Variants in DMD observed in about 807,000 individuals in gnomAD.
DMD encodes the protein mutant dystrophin.
Under a neutral mutation model 330.1 loss-of-function variants are expected in DMD, and 63 were observed. The observed-to-expected ratio is 0.19, with a 90% CI of 0.16 to 0.24. The LOEUF (loss-of-function observed/expected upper bound fraction) is 0.24, where lower values mean the gene tolerates loss of function less well. Ranked by LOEUF, DMD falls within the 10% of genes least tolerant of loss-of-function variation. The probability of loss-of-function intolerance (pLI) is 1.00; values close to 1 mark genes in which losing one functional copy is unlikely to be tolerated. For synonymous variants in DMD, 1,223 were observed against 959.8 expected, an observed-to-expected ratio of 1.27 and a Z score of -5.07; for missense variants, 3,344 against 2,684.1, an observed-to-expected ratio of 1.25 and a Z score of -5.43.
Position 31,496,862 on chromosome X carries a change from C to T in DMD, c.8473G>A (p.Asp2825Asn), listed in dbSNP as rs893710763. The change falls in exon 57 of 79, where the codon GAT (aspartate) becomes AAT (asparagine). Residue 2825 changes from aspartate to asparagine, a missense_variant. Coordinates refer to ENST00000357033, the MANE Select transcript of DMD (RefSeq NM_004006.3). ...GGTGCCTGCCGGCTTAATTCATCAT[C>T]TTTCAGCTGTAGCCACACCAGAAGT... ...QELLVWLQLKDDELSRQAPIG... is the reference protein window; with the variant it reads ...QELLVWLQLKNDELSRQAPIG... The T allele has an allele frequency of 5.0e-6, 6 of 1,211,881 alleles. No individual in the cohort carries two copies. Among genetic ancestry groups the T allele is most frequent in the Non-Finnish European group, 6.7e-6 (6 of 895,481 alleles).
intron 13 of DMD, among the ~76,000 whole-genome samples, chrX:32,585,307 C>A (rs1405313457): frequency 5.4e-5 from 6 of 112,007 alleles, no homozygotes; most frequent in African/African-American, 1.9e-4. Context: ...AACAGTGTAA[C>A]AAAATATCAC....
intron 44 of DMD, among the ~76,000 whole-genome samples, chrX:32,013,273 G>A (rs2095730402): frequency 9.2e-6 from 1 of 108,742 alleles, no homozygotes; most frequent in Admixed American, 9.9e-5. Context: ...ATTTAGTAGA[G>A]ATAGAGTTTC....
At chrX:32,854,399 C>A (rs1413005446) in intron 2 of DMD, among the ~76,000 whole-genome samples, 1 of 110,763 alleles carries the variant, frequency 9.0e-6, no homozygotes, top group Non-Finnish European at 1.9e-5. Flanking sequence ...GAAAATTATA[C>A]AAAACACAAG....
intron 62 of DMD, among the ~76,000 whole-genome samples, chrX:31,266,238 T>C (rs777078332): frequency 1.7e-4 from 18 of 104,135 alleles, no homozygotes; most frequent in Admixed American, 1.1e-3. Flanking sequence ...TGGGCTTTAG[T>C]TGTTTGTTCT....
At chrX:33,168,745 G>A (rs1170856865) in intron 1 of DMD, among the ~76,000 whole-genome samples, 1 of 110,170 alleles carries the variant, frequency 9.1e-6, no homozygotes, top group Non-Finnish European at 1.9e-5. Context: ...GTGTGGCTGG[G>A]AGTCTACCTG....
intron 19 of DMD, among the ~76,000 whole-genome samples, chrX:32,494,467 T>C (rs757531472): frequency 9.0e-6 from 1 of 111,039 alleles, no homozygotes; most frequent in African/African-American, 3.3e-5. Flanking sequence ...GAGTTCAAAT[T>C]TGATGCCCCT....
chrX:32,103,442 TA>T (rs1348537801), intron 44 of DMD, among the ~76,000 whole-genome samples: 1 of 111,490 alleles, frequency 9.0e-6, no homozygotes, highest in Non-Finnish European at 1.9e-5. Context: ...CAAAAGCGCA[TA>T]AATGGCCTCT....
chrX:32,499,645 T>C lies in DMD; in HGVS notation c.2380+2110A>G, dbSNP rs764239593. Among the ~76,000 whole-genome samples, 40 of 111,631 alleles carry C rather than the reference T, an allele frequency of 3.6e-4. No individual in the cohort carries two copies. In the South Asian group the frequency reaches 0.014, roughly 39 times the overall value. On this transcript the variant is annotated intron_variant, in intron 19 of 78. Transcript: ENST00000357033. ...CTTGGGAAGGAAGATTCTGGACTTATAAATTTAAGAGCTTTAATGCAATAA... is the reference window on the plus strand; with the variant it reads ...CTTGGGAAGGAAGATTCTGGACTTACAAATTTAAGAGCTTTAATGCAATAA...
At chrX:32,153,213 CT>C (rs1373809718) in intron 44 of DMD, among the ~76,000 whole-genome samples, 3 of 111,804 alleles carry the variant, frequency 2.7e-5, no homozygotes, top group East Asian at 2.8e-4. Context: ...TTATATTTCT[CT>C]TTTTTTAAGT....
At chrX:31,403,156 C>G (rs754487211) in intron 60 of DMD, among the ~76,000 whole-genome samples, 3 of 112,158 alleles carry the variant, frequency 2.7e-5, no homozygotes, top group Non-Finnish European at 5.6e-5. Flanking sequence ...GCAAATGAAA[C>G]TAATGGGAAT....
At chrX:31,239,395 A>C (rs1351860881) in intron 63 of DMD, among the ~76,000 whole-genome samples, 1 of 112,228 alleles carries the variant, frequency 8.9e-6, no homozygotes, top group Admixed American at 9.5e-5. Context: ...AGAATCTCTA[A>C]TTTAAAATTT....
Position 32,683,128 on chromosome X carries a change from C to T in DMD, c.960+14742G>A, listed in dbSNP as rs889391068. Among the ~76,000 whole-genome samples, 24 of 111,409 alleles carry T rather than the reference C, an allele frequency of 2.2e-4. No homozygotes were observed. In the Admixed American group the frequency reaches 2.3e-3, roughly 11 times the overall value. On this transcript the variant is annotated intron_variant, in intron 9 of 78. Transcript: ENST00000357033. ...AGTCTTTAACCTGCATATTGTGATA[C>T]ATTAGTAAATCTCCAAACCACAATT...
intron 44 of DMD, among the ~76,000 whole-genome samples, chrX:32,079,559 C>T (rs1012724541): frequency 2.8e-5 from 3 of 107,850 alleles, no homozygotes; most frequent in Admixed American, 2.0e-4. Flanking sequence ...TGCACCACTG[C>T]GCTCCAGCCT....
chrX:32,657,412 T>G (rs2060652334), intron 9 of DMD, among the ~76,000 whole-genome samples: 1 of 112,301 alleles, frequency 8.9e-6, no homozygotes, highest in Non-Finnish European at 1.9e-5. Context: ...AGATGGCACA[T>G]GAAAGACGTC....
intron 2 of DMD, among the ~76,000 whole-genome samples, chrX:33,013,846 CGT>C (rs761054448): frequency 4.6e-4 from 51 of 111,512 alleles, no homozygotes; most frequent in African/African-American, 1.1e-3. Context: ...CGCGCACGCG[CGT>C]GTGTGTGTTT....
chrX:32,170,589 A>G lies in DMD; in HGVS notation c.6438+46327T>C, dbSNP rs756993746. ...TTGCTAATCTCTGAGCCATCTCACT[A>G]TCCTTTGTTCAGCTTGTTAAATGTC... On this transcript the variant is annotated intron_variant, in intron 44 of 78. Coordinates refer to ENST00000357033, the MANE Select transcript of DMD (RefSeq NM_004006.3). 2.7e-5 allele frequency among the ~76,000 whole-genome samples: 3 copies of G among 109,708 alleles called. No homozygotes were observed. In the South Asian group the frequency reaches 1.2e-3, roughly 43 times the overall value.
At position 32,639,928 on chromosome X, in the gene DMD, G is replaced by C. The variant is rs2059342485; in HGVS notation, c.1331+4204C>G. Among the ~76,000 whole-genome samples, 4 of 110,427 alleles carry C rather than the reference G, an allele frequency of 3.6e-5. No homozygotes were observed. In the South Asian group the frequency reaches 1.5e-3, roughly 42 times the overall value. ...AAAAACATCTATGAGGGTCAGGTTTGGTAGCTCAGGTCTGTAATACTAGTA... is the reference window on the plus strand; with the variant it reads ...AAAAACATCTATGAGGGTCAGGTTTCGTAGCTCAGGTCTGTAATACTAGTA... On this transcript the variant is annotated intron_variant, in intron 11 of 78. Coordinates refer to ENST00000357033, the MANE Select transcript of DMD (RefSeq NM_004006.3).
intron 44 of DMD, among the ~76,000 whole-genome samples, chrX:31,986,745 T>C (rs2095512027): frequency 8.9e-6 from 1 of 112,259 alleles, no homozygotes; most frequent in Admixed American, 9.4e-5. Flanking sequence ...TTTCAAACTT[T>C]TCTACACTGA....
At chrX:31,728,340 G>A (rs923967123) in intron 52 of DMD, among the ~76,000 whole-genome samples, 1 of 111,673 alleles carries the variant, frequency 9.0e-6, no homozygotes, top group Non-Finnish European at 1.9e-5. Context: ...ACTGTTCTTG[G>A]AACCTGTTTT....
Sources: gnomAD v4.1 joint callset for allele counts (sites outside exome capture counted in the v4.1 genomes callset) on GRCh38, gnomAD v4.1.1 for gene constraint, MANE v1.5 for transcripts, NCBI Gene and HGNC (gene_info 2026-07-23, HGNC 2026-07-21) for gene names.